The following OVGP1 variants were observed in gnomAD, a reference collection of about 807,000 sequenced individuals.
The protein encoded by OVGP1 is oviduct-specific glycoprotein.
A neutral mutation model predicts 48.2 loss-of-function variants in OVGP1; 26 were observed. That is an observed-to-expected ratio of 0.54 (90% CI 0.40 to 0.75). The LOEUF is 0.75. OVGP1 is among the 30% of genes least tolerant of loss of function. The probability of loss-of-function intolerance (pLI) is 0.00; values close to 1 mark genes in which losing one functional copy is unlikely to be tolerated. For missense variants in OVGP1, 791 were observed against 820.6 expected, an observed-to-expected ratio of 0.96 and a Z score of 0.44; for synonymous variants, 294 against 305.7, an observed-to-expected ratio of 0.96 and a Z score of 0.40.
intron 9 of OVGP1, 32 bp downstream of exon 9, chr1:111,419,578 T>C (rs753071232): frequency 7.1e-6 from 9 of 1,263,628 alleles, no homozygotes; most frequent in South Asian, 1.2e-5. Context: ...TAGGAAACCA[T>C]GTGCTGGAGC....
In OVGP1 at chr1:111,421,434, G is replaced by T. The variant is rs1198090316; in HGVS notation, c.745C>A (p.Leu249Ile). 1 of 1,611,714 alleles carries T rather than the reference G, an allele frequency of 6.2e-7. No individual in the cohort carries two copies. Among genetic ancestry groups the T allele is most frequent in the Non-Finnish European group, 8.5e-7 (1 of 1,179,134 alleles). The change falls in exon 8 of 11, where the codon CTT becomes ATT. Residue 249 changes from leucine to isoleucine, a missense_variant. Leu to Ile is a conservative substitution (Grantham distance 5). Transcript: ENST00000369732. ...ATGAGCTTCTCTGAGGGTGCCCCAAGCTTTCTCCAATAATTCATAGCATAT... is the reference window on the plus strand; with the variant it reads ...ATGAGCTTCTCTGAGGGTGCCCCAATCTTTCTCCAATAATTCATAGCATAT... ...SAYAMNYWRK[L>I]GAPSEKLIMG... is the part of the protein sequence containing the mutation.
At chr1:111,427,036 T>C in intron 2 of OVGP1, 26 bp downstream of exon 2, 1 of 1,614,138 alleles carries the variant, frequency 6.2e-7, no homozygotes, top group African/African-American at 1.3e-5. Flanking sequence ...TCCCTGGCTC[T>C]GGAAGGGAAA....
At chr1:111,423,464 A>G in intron 5 of OVGP1, 79 bp downstream of exon 5, 1 of 1,475,666 alleles carries the variant, frequency 6.8e-7, no homozygotes, top group Non-Finnish European at 9.3e-7. Flanking sequence ...CCCTGGACTT[A>G]TGCTCTTCTC....
At chr1:111,423,170 G>A in intron 5 of OVGP1, 119 bp from the exon 6 acceptor site, 2 of 1,262,284 alleles carry the variant, frequency 1.6e-6, no homozygotes, top group Non-Finnish European at 2.2e-6. Flanking sequence ...ACACGAAGGT[G>A]AGTTGGACAT....
In OVGP1 at chr1:111,423,530, A is replaced by G; in HGVS notation, c.483+13T>C. ...ATCATTTCTGGATTCTGGCGCTTCTAGACCAGACTTACTTCAATTAAGAAG... is the reference window on the plus strand; with the variant it reads ...ATCATTTCTGGATTCTGGCGCTTCTGGACCAGACTTACTTCAATTAAGAAG... On this transcript the variant is annotated intron_variant, in intron 5 of 10. Coordinates refer to ENST00000369732, the MANE Select transcript of OVGP1 (RefSeq NM_002557.4). 6.2e-7 allele frequency: 1 copy of G among 1,613,226 alleles called. No individual in the cohort carries two copies. Among genetic ancestry groups the G allele is most frequent in the Non-Finnish European group, 8.5e-7 (1 of 1,179,628 alleles).
At chr1:111,421,220 T>C (rs1652259572) in intron 8 of OVGP1, 56 bp downstream of exon 8, 3 of 1,513,078 alleles carry the variant, frequency 2.0e-6, no homozygotes, top group Non-Finnish European at 2.7e-6. Context: ...TGGCCTTTGC[T>C]CCAGCTGGGG....
At position 111,421,658 on chromosome 1, in the gene OVGP1, G is replaced by A; in HGVS notation, c.624C>T (p.Ile208=). ...CATGTAAGTCATAAGACAAGACATT[G>A]ATGAAATCCAGGAGTCTGTAAGGGG... The part of the protein sequence containing the change: ...VRFLGRLLDF[I]NVLSYDLHGS... Residue 208 remains isoleucine (I), a synonymous_variant, in exon 7 of 11, where the codon ATC becomes ATT. Transcript: ENST00000369732. The A allele has an allele frequency of 6.2e-7, 1 of 1,607,842 alleles. No individual in the cohort carries two copies. The highest frequency in any genetic ancestry group is 1.1e-5 in the South Asian group (1 of 90,912).
chr1:111,415,240 T>C lies in OVGP1; in HGVS notation c.1261A>G (p.Ser421Gly), dbSNP rs766167530. Residue 421 changes from serine (S) to glycine (G), a missense_variant, in exon 11 of 11, where the codon AGT (serine) becomes GGT (glycine). Coordinates refer to ENST00000369732, the MANE Select transcript of OVGP1 (RefSeq NM_002557.4). ...LAVTTAWTTDSKILPPGGEAG... is the reference protein window; with the variant it reads ...LAVTTAWTTDGKILPPGGEAG... The stretch of plus-strand genomic sequence containing the variant: ...TCTCCTCCTGGGGGCAAAATCTTAC[T>C]ATCAGTGGTCCATGCCGTGGTCACA... 1.9e-6 allele frequency: 3 copies of C among 1,614,206 alleles called. No homozygotes were observed. The Admixed American group carries it at 5.0e-5, about 27-fold the overall frequency.
At chr1:111,418,535 A>C (rs1335206354) in intron 9 of OVGP1, among the ~76,000 whole-genome samples, 2 of 152,264 alleles carry the variant, frequency 1.3e-5, no homozygotes, top group African/African-American at 4.8e-5. Flanking sequence ...TCCCCCAAAA[A>C]ACAGCCGACA....
Position 111,426,429 on chromosome 1 carries a change from G to T in OVGP1, c.260+8C>A. The T allele has an allele frequency of 1.2e-6, 2 of 1,613,942 alleles. No individual in the cohort carries two copies. Among genetic ancestry groups the T allele is most frequent in the South Asian group, 2.2e-5 (2 of 90,954 alleles). On this transcript the variant is annotated splice_region_variant and intron_variant, in intron 3 of 10. Transcript: ENST00000369732. Reference sequence around the variant, plus strand: ...AAAATACAACCCCCACATCCAATATGAACACACCTCTCCTTTAGTTTGTTG... The same window carrying T: ...AAAATACAACCCCCACATCCAATATTAACACACCTCTCCTTTAGTTTGTTG...
rs1356759420 is a variant in OVGP1 at position 111,424,961 on chromosome 1, TTTG to T, written c.317+419_317+421del. 3.3e-5 allele frequency among the ~76,000 whole-genome samples: 5 copies of T among 152,272 alleles called. No homozygotes were observed. In the East Asian group the frequency reaches 9.7e-4, roughly 29 times the overall value. On this transcript the variant is annotated intron_variant, in intron 4 of 10. Coordinates refer to ENST00000369732, the MANE Select transcript of OVGP1 (RefSeq NM_002557.4). ...TATGTCCCAGCACTAAGCTTAGCAT[TTTG>T]TTATTTCCTTTCCTCTGTTCCAACC...
In OVGP1 at chr1:111,425,394, A is replaced by G. The variant is rs761916958; in HGVS notation, c.306T>C (p.Phe102=). The G allele has an allele frequency of 4.3e-6, 7 of 1,613,792 alleles. No individual in the cohort carries two copies. In the South Asian group the frequency reaches 7.7e-5, roughly 18 times the overall value. The change falls in exon 4 of 11, where the codon TTT becomes TTC. Residue 102 remains phenylalanine (F), a synonymous_variant. Transcript: ENST00000369732. ...CAGCAAAGTCTCACCTTGAGGTGCCAAAGTTCCACCCGCCGATGGACAGTA... is the reference window on the plus strand; with the variant it reads ...CAGCAAAGTCTCACCTTGAGGTGCCGAAGTTCCACCCGCCGATGGACAGTA... ...KTLLSIGGWN[F]GTSRFTTMLS... is the part of the protein sequence containing the mutation.
rs911720657 is a variant in OVGP1 at position 111,421,577 on chromosome 1, G to A, written c.705C>T (p.Asp235=). The A allele has an allele frequency of 1.2e-6, 2 of 1,611,578 alleles. No homozygotes were observed. The highest frequency in any genetic ancestry group is 1.7e-6 in the Non-Finnish European group (2 of 1,177,728). The change falls in exon 7 of 11, where the codon GAC becomes GAT. Residue 235 remains aspartate, a synonymous_variant. Coordinates refer to ENST00000369732, the MANE Select transcript of OVGP1 (RefSeq NM_002557.4). ...TTCCTTTCCTTACCGAAGATTTGGG[G>A]TCTTCAGGCAGAGAGAAGAGGGGGC... The part of the protein sequence containing the change: ...HNSPLFSLPE[D]PKSSAYAMNY...
intron 8 of OVGP1, 104 bp from the exon 9 acceptor site, chr1:111,419,830 C>T: frequency 1.4e-6 from 1 of 739,622 alleles, no homozygotes; most frequent in East Asian, 2.5e-5. Context: ...AATCCCTAAC[C>T]AGCGAATGAG....
chr1:111,417,625 ACACACACACACACATG>A (rs1652166521), intron 9 of OVGP1, among the ~76,000 whole-genome samples: 1 of 151,196 alleles, frequency 6.6e-6, no homozygotes, highest in Non-Finnish European at 1.5e-5. Context: ...GTGTGTATAC[ACACACACACACACATG>A]CACACACACA....
Position 111,415,434 on chromosome 1 carries a change from GA to G in OVGP1, c.1157-91del, listed in dbSNP as rs1420468751. On this transcript the variant is annotated intron_variant, in intron 10 of 10. Coordinates refer to ENST00000369732, the MANE Select transcript of OVGP1 (RefSeq NM_002557.4). ...GCAGAACTAGAACCAATCCAGGGCT[GA>G]AGTACCTGCTCCAAAAATTCAGAAG... 3 of 1,176,218 alleles carry G rather than the reference GA, an allele frequency of 2.6e-6. No homozygotes were observed. The African/African-American group carries it at 4.7e-5, about 18-fold the overall frequency. The allele number at this position is 1,176,218 out of a possible 1,614,324, so 72.9% of individuals were successfully genotyped here.
rs79262073 is a variant in OVGP1 at position 111,414,919 on chromosome 1, C to T, written c.1582G>A (p.Gly528Ser). 6.6e-7 allele frequency: 1 copy of T among 1,521,738 alleles called. No individual in the cohort carries two copies. The highest frequency in any genetic ancestry group is 2.4e-5 in the East Asian group (1 of 42,300). 94.3% of individuals were successfully genotyped at this position (1,521,738 alleles called of 1,614,324 possible). ...TPGEKTLTPVGHQSVTPVSHQ... is the reference protein window; with the variant it reads ...TPGEKTLTPVSHQSVTPVSHQ... Reference sequence around the variant, plus strand: ...CTCACAGGGGTCACAGACTGATGACCCACAGGGGTCAGGGTCTTTTCCCCA... The same window carrying T: ...CTCACAGGGGTCACAGACTGATGACTCACAGGGGTCAGGGTCTTTTCCCCA... Residue 528 changes from glycine (G) to serine (S), a missense_variant, in exon 11 of 11, where the codon GGT (glycine) becomes AGT (serine). Gly to Ser is a moderately conservative substitution (Grantham distance 56, BLOSUM62 0). Coordinates refer to ENST00000369732, the MANE Select transcript of OVGP1 (RefSeq NM_002557.4).
chr1:111,425,685 G>C (rs771499894), intron 3 of OVGP1, among the ~76,000 whole-genome samples: 14 of 152,170 alleles, frequency 9.2e-5, no homozygotes, highest in Non-Finnish European at 2.1e-4. Context: ...CACAAAGTCT[G>C]CCAAACTCGC....
rs374724407 is a variant in OVGP1, at chr1:111,423,005, G to A, written c.530C>T (p.Pro177Leu). 17 of 1,614,128 alleles carry A rather than the reference G, an allele frequency of 1.1e-5. No individual in the cohort carries two copies. Among genetic ancestry groups the A allele is most frequent in the South Asian group, 3.3e-5 (3 of 91,072 alleles). Residue 177 changes from proline (P) to leucine (L), a missense_variant, in exon 6 of 11, where the codon CCG (proline) becomes CTG (leucine). Transcript: ENST00000369732. Reference sequence around the variant, plus strand: ...AACAGCAGCAGACAGCAGCAGCCTCGGGCGCATGGTGAGCAGTGCCTCCTT... The same window carrying A: ...AACAGCAGCAGACAGCAGCAGCCTCAGGCGCATGGTGAGCAGTGCCTCCTT... ...FRKEALLTMRPRLLLSAAVSG... is the reference protein window; with the variant it reads ...FRKEALLTMRLRLLLSAAVSG...
Sources: allele counts gnomAD v4.1 joint callset (sites outside exome capture counted in the v4.1 genomes callset), GRCh38; gene constraint gnomAD v4.1.1; transcripts MANE v1.5; gene names NCBI Gene and HGNC (gene_info 2026-07-23, HGNC 2026-07-21).